The following SPRY3 variants were observed in gnomAD, a reference collection of about 807,000 sequenced individuals.
The protein encoded by SPRY3 is sprouty RTK signaling antagonist 3.
A neutral mutation model predicts 20.2 loss-of-function variants in SPRY3; 15 were observed. That is an observed-to-expected ratio of 0.74 (90% CI 0.50 to 1.14). The LOEUF (loss-of-function observed/expected upper bound fraction) is 1.14. Among genes scored for constraint, SPRY3 ranks in the 50% most tolerant of loss-of-function variants. The pLI is 0.00. For synonymous variants in SPRY3, 143 were observed against 136.5 expected (o/e 1.05, Z -0.33); for missense variants, 364 against 363.9 (o/e 1.00, Z 0.00).
intron 2 of SPRY3, among the ~76,000 whole-genome samples, chrX:155,663,729 GC>G (rs1357098739): frequency 1.8e-5 from 2 of 111,266 alleles, no homozygotes; most frequent in East Asian, 5.7e-4. Context: ...TGGAATTGGG[GC>G]CCAGCAATGT....
In SPRY3 at chrX:155,693,846, A is replaced by C. The variant is rs1279082227; in HGVS notation, c.-282+36821A>C. 8.1e-5 allele frequency among the ~76,000 whole-genome samples: 8 copies of C among 99,206 alleles called. No individual in the cohort carries two copies. In the Admixed American group the frequency reaches 9.3e-4, roughly 12 times the overall value. The allele number at this position is 99,206 out of a possible 115,157, so 86.1% of individuals were successfully genotyped here. A position where few individuals can be genotyped will look rare whatever the true frequency, so the allele number is the denominator to read the frequency against. ...GAGACAGGGTCTTGCTATGTTGCTC[A>C]GGCAGGAATACAATGGCACAATCAT... On this transcript the variant is annotated intron_variant, in intron 2 of 3. Coordinates refer to ENST00000675360, the Ensembl canonical transcript of SPRY3.
At chrX:155,620,307 A>G (rs2067867292) in intron 1 of SPRY3, among the ~76,000 whole-genome samples, 1 of 111,369 alleles carries the variant, frequency 9.0e-6, no homozygotes, top group Admixed American at 9.6e-5. Flanking sequence ...TATAAAGTTA[A>G]ACACACTTTC....
chrX:155,751,945 A>AAATAC (rs2091264866), intron 2 of SPRY3, among the ~76,000 whole-genome samples: 1 of 61,708 alleles, frequency 1.6e-5, no homozygotes, highest in Admixed American at 1.7e-4. Flanking sequence ...AAATAAAATA[A>AAATAC]AATAAAATAA....
At chrX:155,696,947 T>C (rs1423012567) in intron 2 of SPRY3, among the ~76,000 whole-genome samples, 1 of 111,624 alleles carries the variant, frequency 9.0e-6, no homozygotes, top group Admixed American at 9.5e-5. Context: ...GATAGTACAA[T>C]CTAGTAATGG....
chrX:155,709,410 T>C (rs1379511397), intron 2 of SPRY3, among the ~76,000 whole-genome samples: 10 of 151,904 alleles, frequency 6.6e-5, no homozygotes, highest in African/African-American at 2.4e-4. Flanking sequence ...ATTTATCTGA[T>C]GAGCAATGAT....
chrX:155,756,364 A>C (rs892776438), intron 2 of SPRY3, among the ~76,000 whole-genome samples: 3 of 152,256 alleles, frequency 2.0e-5, no homozygotes, highest in African/African-American at 7.2e-5. Flanking sequence ...TATCCTGCTA[A>C]GTTAATACAG....
At chrX:155,745,352 C>G (rs1484746220) in intron 2 of SPRY3, among the ~76,000 whole-genome samples, 1 of 152,056 alleles carries the variant, frequency 6.6e-6, no homozygotes, top group East Asian at 1.9e-4. Flanking sequence ...TATTGAGGAG[C>G]CCATAAGGCT....
chrX:155,773,886 G>A, exon 4 of SPRY3: 5 of 1,613,690 alleles, frequency 3.1e-6, no homozygotes, highest in Non-Finnish European at 4.2e-6. Context: ...ATGCTGCGGT[G>A]ACAGATGATT....
chrX:155,742,999 C>CA (rs1174216512), intron 2 of SPRY3, among the ~76,000 whole-genome samples: 1 of 151,740 alleles, frequency 6.6e-6, no homozygotes, highest in Non-Finnish European at 1.5e-5. Context: ...GACAGAGAAA[C>CA]AAAAAACCCT....
intron 1 of SPRY3, among the ~76,000 whole-genome samples, chrX:155,645,363 C>T (rs2067954472): frequency 8.9e-6 from 1 of 111,783 alleles, no homozygotes; most frequent in African/African-American, 3.3e-5. Flanking sequence ...TCTATGAGCC[C>T]ATTTCAACAC....
At chrX:155,732,749 C>G (rs1039932610) in intron 2 of SPRY3, among the ~76,000 whole-genome samples, 3 of 151,896 alleles carry the variant, frequency 2.0e-5, no homozygotes, top group Non-Finnish European at 4.4e-5. Context: ...GGAAGGAACC[C>G]AAAATGTTTA....
chrX:155,740,558 G>A (rs775057087), intron 2 of SPRY3, among the ~76,000 whole-genome samples: 25 of 152,130 alleles, frequency 1.6e-4, no homozygotes, highest in Admixed American at 1.2e-3. Context: ...ACTGAAATAC[G>A]CCCTGGTCTC....
intron 2 of SPRY3, among the ~76,000 whole-genome samples, chrX:155,721,613 A>C (rs1455035890): frequency 6.6e-6 from 1 of 152,138 alleles, no homozygotes; most frequent in East Asian, 1.9e-4. Flanking sequence ...CAGACTTTTC[A>C]GTGGAAAGCT....
chrX:155,740,421 A>C (rs1387922354), intron 2 of SPRY3, among the ~76,000 whole-genome samples: 1 of 152,158 alleles, frequency 6.6e-6, no homozygotes, highest in Non-Finnish European at 1.5e-5. Context: ...AGTAGGGAAG[A>C]TATTGCTAAA....
intron 2 of SPRY3, among the ~76,000 whole-genome samples, chrX:155,660,741 T>G (rs1476548563): frequency 9.0e-6 from 1 of 111,182 alleles, no homozygotes; most frequent in African/African-American, 3.3e-5. Flanking sequence ...CATATCTTCT[T>G]GTTGATTTGA....
intron 2 of SPRY3, among the ~76,000 whole-genome samples, chrX:155,682,087 A>G (rs1296730162): frequency 8.9e-6 from 1 of 112,637 alleles, no homozygotes; most frequent in Non-Finnish European, 1.9e-5. Flanking sequence ...CAAAGCTTCT[A>G]AGGACAGGCT....
At chrX:155,727,534 T>G (rs1162713509) in intron 2 of SPRY3, among the ~76,000 whole-genome samples, 1 of 152,178 alleles carries the variant, frequency 6.6e-6, no homozygotes, top group Non-Finnish European at 1.5e-5. Flanking sequence ...TCTTCTCACT[T>G]TATTTCATTA....
At position 155,731,456 on chromosome X, in the gene SPRY3, C is replaced by T. The variant is rs145227135; in HGVS notation, c.-281-36506C>T. Among the ~76,000 whole-genome samples the T allele has an allele frequency of 3.8e-3, 584 of 151,888 alleles. 2 individuals are homozygous for T. The highest frequency in any genetic ancestry group is 0.013 in the African/African-American group (552 of 41,506). On this transcript the variant is annotated intron_variant, in intron 2 of 3. Coordinates refer to ENST00000675360, the Ensembl canonical transcript of SPRY3. ...TGATGCTGGGAAAACTGGATATCTA[C>T]ATGCAGAATGAAACTAAACCTCTAT...
intron 1 of SPRY3, among the ~76,000 whole-genome samples, chrX:155,639,392 C>G (rs1557351276): frequency 8.9e-6 from 1 of 112,040 alleles, no homozygotes; most frequent in East Asian, 2.8e-4. Context: ...GATCTACCCT[C>G]TTAACAAATT....
Sources: allele counts gnomAD v4.1 joint callset (sites outside exome capture counted in the v4.1 genomes callset), GRCh38; gene constraint gnomAD v4.1.1; transcripts MANE v1.5; gene names NCBI Gene and HGNC (gene_info 2026-07-23, HGNC 2026-07-21).